The following SV2B variants were observed in gnomAD, a reference collection of about 807,000 sequenced individuals.
SV2B encodes the protein synaptic vesicle glycoprotein 2B.
A neutral mutation model predicts 73.9 loss-of-function variants in SV2B; 41 were observed. The ratio of observed to expected loss-of-function variants is 0.56; its 90% CI spans 0.43 to 0.72. The LOEUF (loss-of-function observed/expected upper bound fraction) is 0.72, where lower values mean the gene tolerates loss of function less well. SV2B is among the 30% of genes least tolerant of loss of function. The probability of loss-of-function intolerance (pLI) is 0.00; values close to 1 mark genes in which losing one functional copy is unlikely to be tolerated. For synonymous variants in SV2B, 314 were observed against 314.2 expected, an observed-to-expected ratio of 1.00 and a Z score of 0.01; for missense variants, 764 against 857.8, an observed-to-expected ratio of 0.89 and a Z score of 1.37.
chr15:91,106,222 G>A lies in SV2B; in HGVS notation c.-392+5859G>A, dbSNP rs977644384. ...GAGGTGGAGAGGAAACAGTGATGGG[G>A]TTTAATTGGATATCCAATGGGAGAT... On this transcript the variant is annotated intron_variant, in intron 1 of 12. Coordinates refer to ENST00000394232, the MANE Select transcript of SV2B (RefSeq NM_001323032.3). The surrounding 1 kb of genome is among the most constrained non-coding windows in gnomAD (Gnocchi z 4.4). 1.3e-5 allele frequency among the ~76,000 whole-genome samples: 2 copies of A among 152,190 alleles called. No individual in the cohort carries two copies. Among genetic ancestry groups the A allele is most frequent in the Non-Finnish European group, 2.9e-5 (2 of 68,024 alleles).
At chr15:91,176,994 A>G (rs1404949586) in intron 1 of SV2B, among the ~76,000 whole-genome samples, 2 of 151,984 alleles carry the variant, frequency 1.3e-5, no homozygotes, top group African/African-American at 4.8e-5. Flanking sequence ...GGTAATGCCT[A>G]GGTTTTCTTC....
intron 1 of SV2B, among the ~76,000 whole-genome samples, chr15:91,177,587 C>A (rs1239621006): frequency 3.5e-5 from 5 of 144,880 alleles, no homozygotes; most frequent in Admixed American, 3.4e-4. Context: ...GTTTGTAGTT[C>A]TCCTTGAAGA....
rs568993391 is a variant in SV2B at position 91,123,678 on chromosome 15, C to T, written c.-392+23315C>T. ...AGGCCAGTTATTTGTCTAGCACTTT[C>T]TGAAGAGTAGACGTGAGGAGCGGTA... On this transcript the variant is annotated intron_variant, in intron 1 of 12. Coordinates refer to ENST00000394232, the MANE Select transcript of SV2B (RefSeq NM_001323032.3). The surrounding 1 kb of genome is among the most constrained non-coding windows in gnomAD (Gnocchi z 4.7). Among the ~76,000 whole-genome samples, 45 of 152,170 alleles carry T rather than the reference C, an allele frequency of 3.0e-4. No homozygotes were observed. Among genetic ancestry groups the T allele is most frequent in the Non-Finnish European group, 5.6e-4 (38 of 68,034 alleles).
chr15:91,270,870 CGGACGGTGAATCTTGTGGAT>C lies in SV2B; in HGVS notation c.1373+2267_1373+2286del, dbSNP rs2048278891. Among the ~76,000 whole-genome samples, 53 of 68,512 alleles carry C rather than the reference CGGACGGTGAATCTTGTGGAT, an allele frequency of 7.7e-4. 2 individuals are homozygous for C. Among genetic ancestry groups the C allele is most frequent in the African/African-American group, 4.3e-3 (43 of 10,090 alleles). The allele number at this position is 68,512 out of a possible 152,430, so 44.9% of individuals were successfully genotyped here. ...GACGGTGAATCCTGTGGATGATGGGCGGACGGTGAATCTTGTGGATGATGGGAGGACGGTGAGTCCTGTGG... is the reference window on the plus strand; with the variant it reads ...GACGGTGAATCCTGTGGATGATGGGCGATGGGAGGACGGTGAGTCCTGTGG... On this transcript the variant is annotated intron_variant, in intron 9 of 12. Transcript: ENST00000394232.
intron 1 of SV2B, among the ~76,000 whole-genome samples, chr15:91,163,395 T>C (rs2141255546): frequency 6.6e-6 from 1 of 152,290 alleles, no homozygotes; most frequent in South Asian, 2.1e-4. Flanking sequence ...GTAAAAGTGT[T>C]CCTATTTCTC....
At chr15:91,149,594 G>A (rs981095597) in intron 1 of SV2B, among the ~76,000 whole-genome samples, 3 of 152,196 alleles carry the variant, frequency 2.0e-5, no homozygotes, top group African/African-American at 4.8e-5. Context: ...TGGGAGCCAC[G>A]CTCTTAGTCT....
Position 91,273,124 on chromosome 15 carries a change from C to T in SV2B, c.1373+4519C>T, listed in dbSNP as rs149696768. Among the ~76,000 whole-genome samples, 38 of 152,242 alleles carry T rather than the reference C, an allele frequency of 2.5e-4. 1 individual carries two copies. In the South Asian group the frequency reaches 2.7e-3, roughly 11 times the overall value. ...TTGGGATTACAGTCATGAGCCACCACGCCTGGCTCTAAATAAGAATATTCT... is the reference window on the plus strand; with the variant it reads ...TTGGGATTACAGTCATGAGCCACCATGCCTGGCTCTAAATAAGAATATTCT... On this transcript the variant is annotated intron_variant, in intron 9 of 12. Transcript: ENST00000394232.
intron 9 of SV2B, among the ~76,000 whole-genome samples, chr15:91,270,758 G>T (rs2048265324): frequency 6.6e-6 from 1 of 151,402 alleles, no homozygotes; most frequent in South Asian, 2.1e-4. Flanking sequence ...AGGGGCTGAA[G>T]AAAGCAGTGT....
intron 1 of SV2B, among the ~76,000 whole-genome samples, chr15:91,173,519 C>T (rs1395581260): frequency 1.3e-5 from 2 of 152,196 alleles, no homozygotes; most frequent in South Asian, 2.1e-4. Context: ...CATGATACTA[C>T]TTCCCTCAGT....
At chr15:91,266,561 T>C (rs780297426) in intron 6 of SV2B, 21 bp from the exon 7 acceptor site, 4 of 1,583,068 alleles carry the variant, frequency 2.5e-6, no homozygotes, top group Non-Finnish European at 3.5e-6. Context: ...AAATTCTCTA[T>C]ATCCTATTTT....
At chr15:91,191,464 CTTG>C (rs1198928647) in intron 1 of SV2B, among the ~76,000 whole-genome samples, 1 of 152,116 alleles carries the variant, frequency 6.6e-6, no homozygotes, top group Admixed American at 6.5e-5. Context: ...TAGCAAGAAT[CTTG>C]TTAAGCCAGT....
At chr15:91,204,758 A>C (rs555221876) in intron 1 of SV2B, among the ~76,000 whole-genome samples, 1 of 151,886 alleles carries the variant, frequency 6.6e-6, no homozygotes, top group Non-Finnish European at 1.5e-5. Flanking sequence ...AAGTCTTGCT[A>C]TGTTGTCCAG....
At chr15:91,190,456 A>G (rs1234326578) in intron 1 of SV2B, among the ~76,000 whole-genome samples, 1 of 152,176 alleles carries the variant, frequency 6.6e-6, no homozygotes, top group Non-Finnish European at 1.5e-5. Flanking sequence ...AAGTGAATGC[A>G]TGGAAAATTC....
chr15:91,122,931 T>C lies in SV2B; in HGVS notation c.-392+22568T>C, dbSNP rs1371045786. Among the ~76,000 whole-genome samples, 1 of 152,220 alleles carries C rather than the reference T, an allele frequency of 6.6e-6. No homozygotes were observed. The highest frequency in any genetic ancestry group is 2.4e-5 in the African/African-American group (1 of 41,452). ...ACAGGATTAATAAATTCAAGAGGTC[T>C]ATTCTACAACCTGGTAGCTATAGTT... On this transcript the variant is annotated intron_variant, in intron 1 of 12. Coordinates refer to ENST00000394232, the MANE Select transcript of SV2B (RefSeq NM_001323032.3). The surrounding 1 kb of genome is among the most constrained non-coding windows in gnomAD (Gnocchi z 4.3).
chr15:91,259,335 A>T (rs999587301), intron 5 of SV2B, among the ~76,000 whole-genome samples: 1 of 152,112 alleles, frequency 6.6e-6, no homozygotes, highest in African/African-American at 2.4e-5. Context: ...CAGACAGTGC[A>T]GAAGCAGGCA....
At chr15:91,202,450 T>C (rs2045493045) in intron 1 of SV2B, among the ~76,000 whole-genome samples, 1 of 152,256 alleles carries the variant, frequency 6.6e-6, no homozygotes, top group African/African-American at 2.4e-5. Flanking sequence ...TGTCTTCTTA[T>C]TTTCACAAGA....
At chr15:91,177,323 C>T (rs1028446496) in intron 1 of SV2B, among the ~76,000 whole-genome samples, 9 of 151,632 alleles carry the variant, frequency 5.9e-5, no homozygotes, top group South Asian at 2.1e-4. Context: ...AGTCAGGGAG[C>T]GTGATGCCTC....
intron 1 of SV2B, among the ~76,000 whole-genome samples, chr15:91,125,231 A>G (rs999014540): frequency 5.3e-5 from 8 of 152,224 alleles, no homozygotes; most frequent in Admixed American, 6.5e-5. Context: ...AAATACGGTC[A>G]CATTCTGAAG....
rs2067570660 is a variant in SV2B, at chr15:91,110,325, A to T, written c.-392+9962A>T. Among the ~76,000 whole-genome samples, 1 of 152,146 alleles carries T rather than the reference A, an allele frequency of 6.6e-6. No individual in the cohort carries two copies. The highest frequency in any genetic ancestry group is 2.1e-4 in the South Asian group (1 of 4,822). On this transcript the variant is annotated intron_variant, in intron 1 of 12. Coordinates refer to ENST00000394232, the MANE Select transcript of SV2B (RefSeq NM_001323032.3). This position sits in a 1 kb window ranked among gnomAD's most constrained non-coding sequence, Gnocchi z 5.4. ...AAGTTTGTATGAGAGGCCAAGAGAG[A>T]ACAGGAAAACGGGGTGTGGGTCCCC...
Sources: gnomAD v4.1 joint callset for allele counts (sites outside exome capture counted in the v4.1 genomes callset) on GRCh38, gnomAD v4.1.1 for gene constraint, Gnocchi (gnomAD v3.1) non-coding constraint, MANE v1.5 for transcripts, NCBI Gene and HGNC (gene_info 2026-07-23, HGNC 2026-07-21) for gene names.